Variants in MBTPS2 observed in about 807,000 individuals in gnomAD.
The protein encoded by MBTPS2 is membrane-bound transcription factor site-2 protease.
A neutral mutation model predicts 35.4 loss-of-function variants in MBTPS2; 2 were observed. The ratio of observed to expected loss-of-function variants is 0.06; its 90% CI spans 0.02 to 0.18. The LOEUF (loss-of-function observed/expected upper bound fraction) is 0.18. MBTPS2 is among the 10% of genes least tolerant of loss of function. The pLI, the probability that MBTPS2 is intolerant of heterozygous loss-of-function variation, is 1.00. For synonymous variants in MBTPS2, 125 were observed against 140.4 expected (o/e 0.89, Z 0.77); for missense variants, 244 against 386.5 (o/e 0.63, Z 3.09).
At chrX:21,880,376 A>G (rs1339413751) in intron 9 of MBTPS2, among the ~76,000 whole-genome samples, 1 of 111,574 alleles carries the variant, frequency 9.0e-6, no homozygotes, top group East Asian at 2.8e-4. Flanking sequence ...ATGAAATAAA[A>G]CCTCAACAAA....
chrX:21,873,979 G>A (rs2092950098), intron 7 of MBTPS2, among the ~76,000 whole-genome samples: 1 of 81,871 alleles, frequency 1.2e-5, no homozygotes, highest in Admixed American at 1.5e-4. Context: ...GTGTGTGTCT[G>A]TGTGTGTGTG....
At chrX:21,857,617 C>G in intron 5 of MBTPS2, 1 of 1,184,825 alleles carries the variant, frequency 8.4e-7, no homozygotes, top group South Asian at 1.9e-5. Context: ...GGAGAAGACC[C>G]CTCTCAGACT....
chrX:21,868,816 A>C (rs1206399914), intron 6 of MBTPS2, among the ~76,000 whole-genome samples: 1 of 112,598 alleles, frequency 8.9e-6, no homozygotes, highest in Non-Finnish European at 1.9e-5. Context: ...GGAAGATAGT[A>C]TCAAGATTTT....
chrX:21,844,832 G>C (rs946262325), intron 2 of MBTPS2, among the ~76,000 whole-genome samples: 1 of 112,337 alleles, frequency 8.9e-6, no homozygotes, highest in Non-Finnish European at 1.9e-5. Context: ...GATGAAAAAG[G>C]ATGGATGTCT....
chrX:21,867,923 G>C (rs2092942470), intron 5 of MBTPS2, among the ~76,000 whole-genome samples: 2 of 111,730 alleles, frequency 1.8e-5, no homozygotes, highest in African/African-American at 6.5e-5. Context: ...ACAGGCGTGA[G>C]CCACCGTGCC....
intron 5 of MBTPS2, among the ~76,000 whole-genome samples, chrX:21,867,816 T>C (rs1363268036): frequency 9.1e-6 from 1 of 110,198 alleles, no homozygotes; most frequent in African/African-American, 3.3e-5. Flanking sequence ...TTTTTTTGTA[T>C]TTTTAGTAGA....
chrX:21,878,524 G>C lies in MBTPS2; in HGVS notation c.1093G>C (p.Val365Leu). ...TACATGTCTTCCTGCCCGGAAAGCA[G>C]TTGAAGCAACTCAAGTTTGCAGAAC... The part of the protein sequence containing the change: ...LHTCLPARKA[V>L]EATQVCRTNK... The change falls in exon 9 of 11, where the codon GTT becomes CTT. Residue 365 changes from valine (V) to leucine (L), a missense_variant. Val to Leu is a conservative substitution (Grantham distance 32, BLOSUM62 1). Transcript: ENST00000379484. 1 of 1,209,450 alleles carries C rather than the reference G, an allele frequency of 8.3e-7. No homozygotes were observed. The highest frequency in any genetic ancestry group is 1.1e-6 in the Non-Finnish European group (1 of 893,361).
At chrX:21,860,990 A>G (rs962214371) in intron 5 of MBTPS2, among the ~76,000 whole-genome samples, 1 of 112,168 alleles carries the variant, frequency 8.9e-6, no homozygotes, top group African/African-American at 3.2e-5. Flanking sequence ...AACCACATCA[A>G]ACAACAAACT....
chrX:21,841,194 G>A (rs1336800024), intron 1 of MBTPS2, among the ~76,000 whole-genome samples: 1 of 111,686 alleles, frequency 9.0e-6, no homozygotes, highest in African/African-American at 3.3e-5. Flanking sequence ...GCTGAGGTGG[G>A]AGGATTGCCT....
intron 5 of MBTPS2, chrX:21,856,753 A>G (rs765855533): frequency 3.3e-5 from 40 of 1,210,017 alleles, no homozygotes; most frequent in Non-Finnish European, 3.8e-5. Flanking sequence ...GTGGTGGGCT[A>G]TTGCGACTCA....
At chrX:21,847,669 A>T (rs1042344246) in intron 3 of MBTPS2, among the ~76,000 whole-genome samples, 7 of 112,284 alleles carry the variant, frequency 6.2e-5, no homozygotes, top group Admixed American at 1.9e-4. Flanking sequence ...ATCCTATTGG[A>T]CCAAGCTTAC....
chrX:21,881,378 A>G (rs1051784304), intron 10 of MBTPS2, among the ~76,000 whole-genome samples: 8 of 111,798 alleles, frequency 7.2e-5, no homozygotes, highest in African/African-American at 2.6e-4. Flanking sequence ...CCAGGGAGGA[A>G]TGCACAAGAA....
intron 7 of MBTPS2, chrX:21,871,056 A>G (rs2147449421): frequency 8.6e-6 from 1 of 116,332 alleles, no homozygotes; most frequent in East Asian, 2.7e-4. Flanking sequence ...TTTTAAAAAA[A>G]CTTTTTAAAA....
intron 3 of MBTPS2, among the ~76,000 whole-genome samples, chrX:21,849,920 GA>G (rs2092912891): frequency 9.4e-6 from 1 of 106,493 alleles, no homozygotes; most frequent in Non-Finnish European, 1.9e-5. Context: ...CAGCTACTCG[GA>G]GAGGCTGAAG....
At chrX:21,876,796 G>A (rs917067120) in intron 7 of MBTPS2, among the ~76,000 whole-genome samples, 13 of 111,702 alleles carry the variant, frequency 1.2e-4, no homozygotes, top group African/African-American at 4.2e-4. Context: ...AACTTTGGCT[G>A]AAATACAAAA....
chrX:21,884,020 T>A lies in MBTPS2; in HGVS notation c.*1365T>A, dbSNP rs2092962155. ...ACTCATTAATAGCCATCTATCCAAC[T>A]TCTTTACTGAGTGATGTATTCCATG... On this transcript the variant is annotated 3_prime_UTR_variant, in exon 11 of 11. Transcript: ENST00000379484. 1 of 752,284 alleles carries A rather than the reference T, an allele frequency of 1.3e-6. No individual in the cohort carries two copies. Among genetic ancestry groups the A allele is most frequent in the African/African-American group, 2.3e-5 (1 of 43,216 alleles). The allele number at this position is 752,284 out of a possible 1,213,427, so 62.0% of individuals were successfully genotyped here.
At position 21,845,303 on chromosome X, in the gene MBTPS2, C is replaced by T. The variant is rs780537051; in HGVS notation, c.357C>T (p.Ser119=). The change falls in exon 3 of 11, where the codon TCC becomes TCT. Residue 119 remains serine (S), a synonymous_variant. Transcript: ENST00000379484. ...SPSSYSSSSS[S]SSSSSSSSSS... is the part of the protein sequence containing the mutation. ...CTTCTTATTCTTCCTCCTCTTCTTC[C>T]TCTTCCTCCTCTTCTTCCTCTTCCT... 11 of 1,186,437 alleles carry T rather than the reference C, an allele frequency of 9.3e-6. No individual in the cohort carries two copies. Among genetic ancestry groups the T allele is most frequent in the Non-Finnish European group, 1.1e-5 (10 of 873,075 alleles).
chrX:21,884,227 T>G lies in MBTPS2; in HGVS notation c.*1572T>G. On this transcript the variant is annotated 3_prime_UTR_variant, in exon 11 of 11. Coordinates refer to ENST00000379484, the MANE Select transcript of MBTPS2 (RefSeq NM_015884.4). The stretch of plus-strand genomic sequence containing the variant: ...AATACCAGTACTAAAACCATACGAA[T>G]TATTGGTTTATTCCAGAAAATACAG... The G allele has an allele frequency of 5.6e-6, 4 of 708,094 alleles. No individual in the cohort carries two copies. Among genetic ancestry groups the G allele is most frequent in the Non-Finnish European group, 6.7e-6 (4 of 596,914 alleles). The allele number at this position is 708,094 out of a possible 1,213,427, so 58.4% of individuals were successfully genotyped here. A position where few individuals can be genotyped will look rare whatever the true frequency, so the allele number is the denominator to read the frequency against.
rs374035994 is a variant in MBTPS2 at position 21,849,774 on chromosome X, C to T, written c.439-1735C>T. Among the ~76,000 whole-genome samples, 4 of 106,872 alleles carry T rather than the reference C, an allele frequency of 3.7e-5. No homozygotes were observed. In the East Asian group the frequency reaches 1.2e-3, roughly 31 times the overall value. 92.8% of individuals were successfully genotyped at this position (106,872 alleles called of 115,157 possible). A position where few individuals can be genotyped will look rare whatever the true frequency, so the allele number is the denominator to read the frequency against. On this transcript the variant is annotated intron_variant, in intron 3 of 10. Coordinates refer to ENST00000379484, the MANE Select transcript of MBTPS2 (RefSeq NM_015884.4). ...GGGCGCAGTGGCTCACGCTTGTAAT[C>T]CCAGCACTTTGGGAGGCGGAGGAAG...
Sources: allele counts gnomAD v4.1 joint callset (sites outside exome capture counted in the v4.1 genomes callset), GRCh38; gene constraint gnomAD v4.1.1; transcripts MANE v1.5; gene names NCBI Gene and HGNC (gene_info 2026-07-23, HGNC 2026-07-21).